The following FSIP1 variants were observed in gnomAD, a reference collection of about 807,000 sequenced individuals.
FSIP1 encodes fibrous sheath-interacting protein 1.
In FSIP1, 65 loss-of-function variants were observed where a neutral mutation model predicts 60.9. The ratio of observed to expected loss-of-function variants is 1.07; its 90% CI spans 0.87 to 1.31. The LOEUF is 1.31. Among genes scored for constraint, FSIP1 ranks in the 40% most tolerant of loss-of-function variants. FSIP1 has a pLI of 0.00. For synonymous variants in FSIP1, 209 were observed against 221.2 expected (o/e 0.94, Z 0.49); for missense variants, 675 against 665.5 (o/e 1.01, Z -0.16).
chr15:39,632,116 G>A (rs1344565303), intron 10 of FSIP1, among the ~76,000 whole-genome samples: 1 of 152,122 alleles, frequency 6.6e-6, no homozygotes, highest in Non-Finnish European at 1.5e-5. Flanking sequence ...AATTAAATAT[G>A]CTAAAATATT....
chr15:39,734,191 C>A (rs530498435), intron 8 of FSIP1, among the ~76,000 whole-genome samples: 2 of 152,278 alleles, frequency 1.3e-5, no homozygotes, highest in Admixed American at 1.3e-4. Context: ...AGAATTTAGT[C>A]ATCTGCTAAG....
downstream of FSIP1, chr15:39,598,131 G>C (rs982082776): frequency 6.6e-6 from 1 of 152,206 alleles, no homozygotes; most frequent in Admixed American, 6.5e-5. Flanking sequence ...TTTTGGATGG[G>C]CTAATTATGA....
chr15:39,630,181 C>CT (rs952828655), intron 10 of FSIP1, among the ~76,000 whole-genome samples: 1 of 152,146 alleles, frequency 6.6e-6, no homozygotes, highest in African/African-American at 2.4e-5. Context: ...GTGAACTGTC[C>CT]TTTTACATTT....
chr15:39,611,544 C>T (rs944590280), intron 11 of FSIP1, among the ~76,000 whole-genome samples: 1 of 152,046 alleles, frequency 6.6e-6, no homozygotes, highest in African/African-American at 2.4e-5. Context: ...TCAAAGCATA[C>T]CATCACAGAA....
intron 10 of FSIP1, among the ~76,000 whole-genome samples, chr15:39,627,256 T>C (rs1891680501): frequency 6.6e-6 from 1 of 152,230 alleles, no homozygotes; most frequent in Non-Finnish European, 1.5e-5. Flanking sequence ...AGATCTAACA[T>C]GGCCTGTGCT....
chr15:39,638,150 A>G (rs1892212334), intron 10 of FSIP1, among the ~76,000 whole-genome samples: 1 of 152,244 alleles, frequency 6.6e-6, no homozygotes, highest in Non-Finnish European at 1.5e-5. Context: ...ATTTCCCAAG[A>G]ATATTTTAAA....
At chr15:39,753,385 A>G (rs1897219103) in intron 5 of FSIP1, among the ~76,000 whole-genome samples, 1 of 151,958 alleles carries the variant, frequency 6.6e-6, no homozygotes, top group Non-Finnish European at 1.5e-5. Context: ...TCCACCCTCA[A>G]CTTCACCCCC....
At chr15:39,626,834 G>T (rs1891659634) in intron 10 of FSIP1, among the ~76,000 whole-genome samples, 1 of 152,134 alleles carries the variant, frequency 6.6e-6, no homozygotes, top group South Asian at 2.1e-4. Context: ...GATGAATACA[G>T]TTAGACAAGG....
At chr15:39,742,534 T>C (rs1241467253) in intron 5 of FSIP1, among the ~76,000 whole-genome samples, 1 of 152,144 alleles carries the variant, frequency 6.6e-6, no homozygotes, top group Non-Finnish European at 1.5e-5. Flanking sequence ...AACATAAACG[T>C]TTTATTAAAA....
intron 11 of FSIP1, among the ~76,000 whole-genome samples, chr15:39,615,262 G>C (rs1003157222): frequency 6.6e-6 from 1 of 151,652 alleles, no homozygotes; most frequent in African/African-American, 2.4e-5. Context: ...AGACAAATGT[G>C]ATTATATCAA....
At chr15:39,653,175 C>CA (rs35671970) in intron 10 of FSIP1, among the ~76,000 whole-genome samples, 3,098 of 116,622 alleles carry the variant, frequency 0.027, 128 homozygotes, top group African/African-American at 0.093. Flanking sequence ...GACTTTGTCT[C>CA]AAAAAAAAAA....
At chr15:39,775,218 T>C (rs778035606) in intron 2 of FSIP1, among the ~76,000 whole-genome samples, 5 of 152,102 alleles carry the variant, frequency 3.3e-5, no homozygotes, top group African/African-American at 4.8e-5. Context: ...GGTCTCACAA[T>C]GTTGCCCAGG....
At chr15:39,681,033 G>A (rs1894138893) in intron 10 of FSIP1, among the ~76,000 whole-genome samples, 1 of 152,146 alleles carries the variant, frequency 6.6e-6, no homozygotes, top group Non-Finnish European at 1.5e-5. Flanking sequence ...TGCCTGGGAT[G>A]GAGACCAGCC....
chr15:39,631,733 CA>C (rs1294262664), intron 10 of FSIP1, among the ~76,000 whole-genome samples: 1 of 152,182 alleles, frequency 6.6e-6, no homozygotes, highest in South Asian at 2.1e-4. Flanking sequence ...ATAATAATCA[CA>C]GTCTTTGATT....
intron 2 of FSIP1, among the ~76,000 whole-genome samples, chr15:39,774,460 A>G (rs1474400481): frequency 1.3e-5 from 2 of 150,882 alleles, no homozygotes; most frequent in Non-Finnish European, 2.9e-5. Flanking sequence ...CAGCCTGGGC[A>G]AAAGAGCAAG....
At position 39,763,812 on chromosome 15, in the gene FSIP1, T is replaced by C. The variant is rs772477537; in HGVS notation, c.559+9A>G. On this transcript the variant is annotated intron_variant, in intron 5 of 11. Coordinates refer to ENST00000350221, the MANE Select transcript of FSIP1 (RefSeq NM_152597.5). ...AAAACAAAGTTGAATGACATCTCCA[T>C]CTACTCACCAACAGTTTCTTCAGAA... 3.6e-6 allele frequency: 5 copies of C among 1,394,348 alleles called. No individual in the cohort carries two copies. Among genetic ancestry groups the C allele is most frequent in the Non-Finnish European group, 5.1e-6 (5 of 984,126 alleles). 86.4% of individuals were successfully genotyped at this position (1,394,348 alleles called of 1,614,324 possible). A position where few individuals can be genotyped will look rare whatever the true frequency, so the allele number is the denominator to read the frequency against.
rs767582445 is a variant in FSIP1 at position 39,738,108 on chromosome 15, C to T, written c.874G>A (p.Gly292Arg). 2.9e-5 allele frequency: 47 copies of T among 1,610,372 alleles called. No individual in the cohort carries two copies. Among genetic ancestry groups the T allele is most frequent in the Non-Finnish European group, 3.1e-5 (37 of 1,177,428 alleles). ...LLKDLDEKDSGLSSSEGDQSG... is the reference protein window; with the variant it reads ...LLKDLDEKDSRLSSSEGDQSG... ...TTACGTACCTCAGAACTGGAGAGCC[C>T]GGAATCTTTCTCATCCAAGTCCTTC... Residue 292 changes from glycine (G) to arginine (R), a missense_variant, in exon 8 of 12, where the codon GGG becomes AGG. By Grantham distance (125) the Gly-to-Arg change is moderately radical. Transcript: ENST00000350221.
At chr15:39,669,419 C>A (rs905767698) in intron 10 of FSIP1, among the ~76,000 whole-genome samples, 3 of 152,190 alleles carry the variant, frequency 2.0e-5, no homozygotes, top group Non-Finnish European at 4.4e-5. Context: ...TTCTAAAGAA[C>A]CCAAACCATG....
At chr15:39,631,645 T>G (rs1891894960) in intron 10 of FSIP1, among the ~76,000 whole-genome samples, 1 of 152,202 alleles carries the variant, frequency 6.6e-6, no homozygotes. Flanking sequence ...AAAGCCTGCA[T>G]TCTGGGCCTA....
Sources: allele counts gnomAD v4.1 joint callset (sites outside exome capture counted in the v4.1 genomes callset), GRCh38; gene constraint gnomAD v4.1.1; transcripts MANE v1.5; gene names NCBI Gene and HGNC (gene_info 2026-07-23, HGNC 2026-07-21).